KCNA6: variants seen among roughly 807,000 people sequenced by gnomAD.
KCNA6 encodes the protein human brain potassium channel-2.
A neutral mutation model predicts 29.5 loss-of-function variants in KCNA6; 17 were observed. That is an observed-to-expected ratio of 0.58 (90% CI 0.39 to 0.86). The LOEUF is 0.86. Among genes scored for constraint, KCNA6 ranks in the 40% least tolerant of loss-of-function variants. The probability of loss-of-function intolerance (pLI) is 0.00; values close to 1 mark genes in which losing one functional copy is unlikely to be tolerated. For missense variants in KCNA6, 450 were observed against 703.4 expected (o/e 0.64, Z 4.07); for synonymous variants, 296 against 304.7 (o/e 0.97, Z 0.30).
At chr12:4,842,064 T>C in the KCNA6 span, among the ~76,000 whole-genome samples, 4 of 129,802 alleles carry the variant, frequency 3.1e-5, no homozygotes, top group Non-Finnish European at 6.7e-5. Context: ...TGTGTGTGTC[T>C]GCTGATGAGG....
the KCNA6 span, among the ~76,000 whole-genome samples, chr12:4,840,225 ATC>A: frequency 0.54 from 73,226 of 134,832 alleles, 18,509 homozygotes; most frequent in Middle Eastern, 0.61. Flanking sequence ...CTATCTATCT[ATC>A]TATCTATCTA....
chr12:4,822,549 C>G, the KCNA6 span, among the ~76,000 whole-genome samples: 2 of 152,204 alleles, frequency 1.3e-5, no homozygotes, highest in African/African-American at 4.8e-5. Flanking sequence ...ATGCCATGTT[C>G]TGTGTCCAGT....
At chr12:4,850,923 T>C in the KCNA6 span, 210,310 of 390,476 alleles carry the variant, frequency 0.54, 58,619 homozygotes, top group Admixed American at 0.6. The surrounding 1 kb of genome is among the most constrained non-coding windows in gnomAD (Gnocchi z 5.4). Flanking sequence ...ACCAGACCCG[T>C]TGTCCCTAAA....
At chr12:4,836,746 G>A in the KCNA6 span, among the ~76,000 whole-genome samples, 2 of 152,160 alleles carry the variant, frequency 1.3e-5, no homozygotes, top group African/African-American at 4.8e-5. Context: ...TGATGCCTCC[G>A]GCTGAAGCAA....
downstream of KCNA6, among the ~76,000 whole-genome samples, chr12:4,818,177 G>A (rs995437901): frequency 6.6e-6 from 1 of 152,202 alleles, no homozygotes; most frequent in African/African-American, 2.4e-5. Flanking sequence ...GAGGTTGCAG[G>A]ATTTATCCTC....
the KCNA6 span, among the ~76,000 whole-genome samples, chr12:4,821,075 A>G: frequency 6.6e-6 from 1 of 152,184 alleles, no homozygotes; most frequent in Non-Finnish European, 1.5e-5. Context: ...ACCAGTTTCT[A>G]GACTCTTCCC....
the KCNA6 span, among the ~76,000 whole-genome samples, chr12:4,849,175 CT>C: frequency 7.2e-5 from 11 of 152,032 alleles, no homozygotes; most frequent in South Asian, 2.3e-3. Context: ...GGTGCATTCC[CT>C]AAGAACATGC....
chr12:4,845,379 T>C, the KCNA6 span, among the ~76,000 whole-genome samples: 1 of 152,248 alleles, frequency 6.6e-6, no homozygotes. Flanking sequence ...TTTCCTAACT[T>C]CCACCCTTGC....
chr12:4,850,877 C>A, the KCNA6 span: 2 of 437,148 alleles, frequency 4.6e-6, no homozygotes. The surrounding 1 kb of genome is among the most constrained non-coding windows in gnomAD (Gnocchi z 5.4). Flanking sequence ...CTCTGGAGGC[C>A]TCCCACAAGC....
chr12:4,834,615 C>T, the KCNA6 span, among the ~76,000 whole-genome samples: 1 of 152,084 alleles, frequency 6.6e-6, no homozygotes, highest in African/African-American at 2.4e-5. Context: ...TGCCTTATCA[C>T]CAGTGGGTTC....
chr12:4,821,417 GAT>G, the KCNA6 span, among the ~76,000 whole-genome samples: 2 of 105,266 alleles, frequency 1.9e-5, no homozygotes, highest in Non-Finnish European at 4.1e-5. Context: ...TACTCACTTG[GAT>G]GTGTGTGTGT....
At chr12:4,813,466 C>T (rs41276722), downstream of KCNA6, 166 of 167,262 alleles carry the variant, frequency 9.9e-4, 2 homozygotes, top group Middle Eastern at 0.014. Context: ...TGCTTTGGAT[C>T]CAAAGCCTGA....
At chr12:4,840,174 G>A in the KCNA6 span, among the ~76,000 whole-genome samples, 1 of 105,790 alleles carries the variant, frequency 9.5e-6, no homozygotes, top group Non-Finnish European at 2.1e-5. Context: ...TATTTTGTTT[G>A]CATTTCATTG....
At chr12:4,828,741 G>A in the KCNA6 span, among the ~76,000 whole-genome samples, 2 of 152,180 alleles carry the variant, frequency 1.3e-5, no homozygotes, top group African/African-American at 4.8e-5. Context: ...CAGTAAGTGG[G>A]GTGGTAGGAT....
chr12:4,830,515 T>C, the KCNA6 span, among the ~76,000 whole-genome samples: 1 of 152,130 alleles, frequency 6.6e-6, no homozygotes, highest in African/African-American at 2.4e-5. Context: ...CAATGGGAGC[T>C]TAACAAGGTG....
chr12:4,824,247 G>C, the KCNA6 span, among the ~76,000 whole-genome samples: 4 of 152,234 alleles, frequency 2.6e-5, no homozygotes, highest in Non-Finnish European at 5.9e-5. Context: ...TGACAGAGTA[G>C]TGAGGCATAA....
chr12:4,841,528 T>A, the KCNA6 span, among the ~76,000 whole-genome samples: 1 of 152,230 alleles, frequency 6.6e-6, no homozygotes, highest in Non-Finnish European at 1.5e-5. Flanking sequence ...CAATTGAATA[T>A]GTATTGAAGT....
At chr12:4,844,980 G>T in the KCNA6 span, among the ~76,000 whole-genome samples, 2 of 151,986 alleles carry the variant, frequency 1.3e-5, no homozygotes, top group Non-Finnish European at 2.9e-5. This position sits in a 1 kb window ranked among gnomAD's most constrained non-coding sequence, Gnocchi z 4.0. Context: ...TCTAAACATG[G>T]TTTTCTATGG....
chr12:4,823,007 G>A, the KCNA6 span, among the ~76,000 whole-genome samples: 2 of 152,164 alleles, frequency 1.3e-5, no homozygotes, highest in Admixed American at 1.3e-4. Flanking sequence ...GATAAGAAAC[G>A]TTTTCCTTTT....
Sources: allele counts gnomAD v4.1 joint callset (sites outside exome capture counted in the v4.1 genomes callset), GRCh38; gene constraint gnomAD v4.1.1; non-coding constraint Gnocchi (gnomAD v3.1); transcripts MANE v1.5; gene names NCBI Gene and HGNC (gene_info 2026-07-23, HGNC 2026-07-21).